DNAJC15: variants seen among roughly 807,000 people sequenced by gnomAD.
DNAJC15 encodes dnaJ homolog subfamily C member 15.
DNAJC15 carries 27 observed loss-of-function variants against 22.4 expected under a neutral mutation model. The observed-to-expected ratio is 1.20, with a 90% CI of 0.89 to 1.66. The LOEUF (loss-of-function observed/expected upper bound fraction) is 1.66, where lower values mean the gene tolerates loss of function less well. Ranked by LOEUF, DNAJC15 falls within the 40% of genes most tolerant of loss-of-function variation. The probability of loss-of-function intolerance (pLI) is 0.00; values close to 1 mark genes in which losing one functional copy is unlikely to be tolerated. For missense variants in DNAJC15, 208 were observed against 187.1 expected, an observed-to-expected ratio of 1.11 and a Z score of -0.65; for synonymous variants, 79 against 63.2, an observed-to-expected ratio of 1.25 and a Z score of -1.19.
At chr13:43,068,446 A>G (rs183083987) in intron 2 of DNAJC15, among the ~76,000 whole-genome samples, 13 of 152,230 alleles carry the variant, frequency 8.5e-5, no homozygotes, top group African/African-American at 2.9e-4. Context: ...TTTTTACTTT[A>G]GAGATAATTG....
intron 5 of DNAJC15, among the ~76,000 whole-genome samples, chr13:43,099,812 T>C (rs2040758595): frequency 6.6e-6 from 1 of 152,156 alleles, no homozygotes; most frequent in Non-Finnish European, 1.5e-5. Context: ...ATATTCTTTT[T>C]ATATGTTGCT....
At chr13:43,046,667 C>A (rs1373103492) in intron 1 of DNAJC15, among the ~76,000 whole-genome samples, 1 of 152,164 alleles carries the variant, frequency 6.6e-6, no homozygotes, top group Non-Finnish European at 1.5e-5. Context: ...GGGCAACCCC[C>A]TTTGGGTCCT....
chr13:43,040,206 A>G (rs2040446971), intron 1 of DNAJC15, among the ~76,000 whole-genome samples: 1 of 152,218 alleles, frequency 6.6e-6, no homozygotes, highest in African/African-American at 2.4e-5. Flanking sequence ...TTGCATTACT[A>G]GACTTGACAT....
At chr13:43,074,531 C>G (rs1214111504) in intron 3 of DNAJC15, among the ~76,000 whole-genome samples, 1 of 152,068 alleles carries the variant, frequency 6.6e-6, no homozygotes, top group East Asian at 1.9e-4. Flanking sequence ...ACAGTGTTGT[C>G]AGAAAATGGT....
Position 43,112,850 on chromosome 13 carries a change from G to C in DNAJC15, c.*5602G>C, listed in dbSNP as rs1181509598. ...TGTGGGAATCAGAATGAAGGGGCTT[G>C]TATGACTTTTGGCTCATTTTTTGAT... On this transcript the variant is annotated 3_prime_UTR_variant, in exon 6 of 6. Transcript: ENST00000379221. 8.5e-5 allele frequency: 13 copies of C among 152,204 alleles called. No individual in the cohort carries two copies. The highest frequency in any genetic ancestry group is 3.9e-4 in the Admixed American group (6 of 15,284). 9.4% of individuals were successfully genotyped at this position (152,204 alleles called of 1,614,324 possible).
intron 5 of DNAJC15, among the ~76,000 whole-genome samples, chr13:43,093,218 CTTATAG>C (rs1260890087): frequency 6.6e-6 from 1 of 151,680 alleles, no homozygotes; most frequent in Non-Finnish European, 1.5e-5. Flanking sequence ...AAATATATTA[CTTATAG>C]TTATTTGGTT....
In DNAJC15 at chr13:43,069,003, T is replaced by C. The variant is rs1370146230; in HGVS notation, c.234T>C (p.Pro78=). Residue 78 remains proline, a splice_region_variant and synonymous_variant, in exon 3 of 6, where the codon CCT becomes CCC. Transcript: ENST00000379221. ...AAACTGCAAAGAAGATTTCAACTCC[T>C]GTAAGTTAAACGTGGCTTTAGTTAG... ...ITETAKKIST[P]SFSSYYKGGF... 6.2e-7 allele frequency: 1 copy of C among 1,611,482 alleles called. No homozygotes were observed. Among genetic ancestry groups the C allele is most frequent in the South Asian group, 1.1e-5 (1 of 90,596 alleles).
chr13:43,098,255 C>T (rs1276836589), intron 5 of DNAJC15, among the ~76,000 whole-genome samples: 1 of 152,152 alleles, frequency 6.6e-6, no homozygotes, highest in Non-Finnish European at 1.5e-5. Context: ...GAACGTAAGA[C>T]ATCAGTCAGC....
intron 1 of DNAJC15, among the ~76,000 whole-genome samples, chr13:43,032,443 A>G (rs889076224): frequency 2.0e-5 from 3 of 152,236 alleles, no homozygotes; most frequent in Non-Finnish European, 2.9e-5. Flanking sequence ...CTTAATCCAC[A>G]GTGTAAGGGT....
intron 1 of DNAJC15, among the ~76,000 whole-genome samples, chr13:43,061,448 CT>C (rs1368990663): frequency 1.3e-5 from 2 of 152,128 alleles, no homozygotes; most frequent in Non-Finnish European, 1.5e-5. Flanking sequence ...GATCTGATGC[CT>C]TTTGATGGTC....
At chr13:43,090,632 C>T (rs943815849) in intron 5 of DNAJC15, among the ~76,000 whole-genome samples, 4 of 151,464 alleles carry the variant, frequency 2.6e-5, no homozygotes, top group Non-Finnish European at 5.9e-5. Context: ...GTTATCAAGG[C>T]GCTCTGGCCT....
At chr13:43,036,218 T>A (rs1477251891) in intron 1 of DNAJC15, among the ~76,000 whole-genome samples, 2 of 145,670 alleles carry the variant, frequency 1.4e-5, no homozygotes, top group Non-Finnish European at 3.0e-5. Flanking sequence ...CAGGCTGGAG[T>A]GCAGTGATGC....
chr13:43,051,634 GGTGTGT>G (rs57271276), intron 1 of DNAJC15, among the ~76,000 whole-genome samples: 4 of 133,152 alleles, frequency 3.0e-5, no homozygotes, highest in Admixed American at 7.8e-5. Context: ...AGTACTTCAT[GGTGTGT>G]GTGTGTGTGT....
At chr13:43,071,977 T>C (rs906888086) in intron 3 of DNAJC15, among the ~76,000 whole-genome samples, 1 of 152,226 alleles carries the variant, frequency 6.6e-6, no homozygotes, top group Non-Finnish European at 1.5e-5. Context: ...TATCAGCTGC[T>C]AGCTCCTTGA....
At chr13:43,075,464 AAT>A (rs1203603165) in intron 3 of DNAJC15, among the ~76,000 whole-genome samples, 1 of 152,196 alleles carries the variant, frequency 6.6e-6, no homozygotes, top group Non-Finnish European at 1.5e-5. Flanking sequence ...GACTCATTGA[AAT>A]ATTTTTTTCC....
At chr13:43,082,689 G>A (rs2040667494) in intron 4 of DNAJC15, among the ~76,000 whole-genome samples, 1 of 152,286 alleles carries the variant, frequency 6.6e-6, no homozygotes, top group East Asian at 1.9e-4. Flanking sequence ...ATGTGGAACT[G>A]ATTTTCAGAG....
chr13:43,040,995 A>T (rs1461642543), intron 1 of DNAJC15, among the ~76,000 whole-genome samples: 1 of 152,238 alleles, frequency 6.6e-6, no homozygotes, highest in Non-Finnish European at 1.5e-5. Flanking sequence ...TCCATTGCCC[A>T]GAGATGGGCA....
At chr13:43,045,828 T>C (rs2040474769) in intron 1 of DNAJC15, among the ~76,000 whole-genome samples, 2 of 152,214 alleles carry the variant, frequency 1.3e-5, no homozygotes, top group African/African-American at 4.8e-5. Flanking sequence ...ATCTGCTTAA[T>C]TTTTTTCCAT....
intron 1 of DNAJC15, among the ~76,000 whole-genome samples, chr13:43,040,689 C>T (rs1359085469): frequency 6.6e-6 from 1 of 151,898 alleles, no homozygotes; most frequent in Non-Finnish European, 1.5e-5. Flanking sequence ...CGGAGGATCT[C>T]GCCGGCCTCT....
Sources: allele counts gnomAD v4.1 joint callset (sites outside exome capture counted in the v4.1 genomes callset), GRCh38; gene constraint gnomAD v4.1.1; transcripts MANE v1.5; gene names NCBI Gene and HGNC (gene_info 2026-07-23, HGNC 2026-07-21).